Variants in IMMP2L observed in about 807,000 individuals in gnomAD.
The protein encoded by IMMP2L is mitochondrial inner membrane protease subunit 2.
IMMP2L carries 18 observed loss-of-function variants against 19.3 expected under a neutral mutation model. The ratio of observed to expected loss-of-function variants is 0.93; its 90% CI spans 0.64 to 1.38. The LOEUF is 1.38. Ranked by LOEUF, IMMP2L falls within the 40% of genes most tolerant of loss-of-function variation. The pLI is 0.00. For synonymous variants in IMMP2L, 76 were observed against 73.0 expected, an observed-to-expected ratio of 1.04 and a Z score of -0.21; for missense variants, 233 against 218.2, an observed-to-expected ratio of 1.07 and a Z score of -0.43.
intron 5 of IMMP2L, among the ~76,000 whole-genome samples, chr7:110,872,209 A>T (rs1356622102): frequency 4.6e-5 from 7 of 152,104 alleles, no homozygotes; most frequent in Admixed American, 1.3e-4. Context: ...AGCCAAACAA[A>T]ACTGCTCAAG....
chr7:111,009,219 C>G (rs994151284), intron 3 of IMMP2L, among the ~76,000 whole-genome samples: 2 of 151,998 alleles, frequency 1.3e-5, no homozygotes, highest in African/African-American at 2.4e-5. Flanking sequence ...AAGATTTTGC[C>G]CACATCTAAC....
intron 2 of IMMP2L, 108 bp downstream of exon 2, chr7:111,521,205 T>G: frequency 1.6e-6 from 2 of 1,228,128 alleles, no homozygotes; most frequent in Non-Finnish European, 2.2e-6. Context: ...AATGCCTTTT[T>G]ATAACCTTTC....
chr7:111,528,854 C>G (rs1338116754), intron 1 of IMMP2L, among the ~76,000 whole-genome samples: 2 of 152,034 alleles, frequency 1.3e-5, no homozygotes, highest in Non-Finnish European at 2.9e-5. Context: ...TACACAAAAT[C>G]AAGATTTTAT....
chr7:111,312,124 CA>C (rs1285708972), intron 3 of IMMP2L, among the ~76,000 whole-genome samples: 14 of 152,038 alleles, frequency 9.2e-5, no homozygotes, highest in Admixed American at 8.5e-4. Flanking sequence ...TATTTTCATG[CA>C]AGACTGAAGT....
chr7:110,859,257 T>C (rs1391494780), intron 5 of IMMP2L, among the ~76,000 whole-genome samples: 1 of 152,062 alleles, frequency 6.6e-6, no homozygotes, highest in African/African-American at 2.4e-5. Flanking sequence ...TTAGATAATT[T>C]AGAGATTTTC....
chr7:110,796,722 A>G (rs1041968426), intron 5 of IMMP2L, among the ~76,000 whole-genome samples: 1 of 152,046 alleles, frequency 6.6e-6, no homozygotes, highest in Non-Finnish European at 1.5e-5. Context: ...TTTGTATTAC[A>G]ACCCACAGCT....
chr7:111,430,570 C>T (rs1301766874), intron 3 of IMMP2L, among the ~76,000 whole-genome samples: 1 of 151,602 alleles, frequency 6.6e-6, no homozygotes, highest in Non-Finnish European at 1.5e-5. Context: ...ACTCTCCATC[C>T]TCAAACCAAA....
Position 111,312,878 on chromosome 7 carries a change from C to A in IMMP2L, c.239+174360G>T, listed in dbSNP as rs78216107. Among the ~76,000 whole-genome samples, 578 of 152,132 alleles carry A rather than the reference C, an allele frequency of 3.8e-3. 5 individuals carry two copies. The highest frequency in any genetic ancestry group is 5.9e-3 in the Non-Finnish European group (401 of 68,006). On this transcript the variant is annotated intron_variant, in intron 3 of 5. Transcript: ENST00000405709. Reference sequence around the variant, plus strand: ...TAAAGAAAGCAGAAACTACTATAGACATTTCCAGAATAGGAAATTTAATAC... The same window carrying A: ...TAAAGAAAGCAGAAACTACTATAGAAATTTCCAGAATAGGAAATTTAATAC...
At chr7:110,942,853 T>C (rs1434255288) in intron 4 of IMMP2L, among the ~76,000 whole-genome samples, 1 of 151,996 alleles carries the variant, frequency 6.6e-6, no homozygotes, top group Non-Finnish European at 1.5e-5. Context: ...GCTATAGATA[T>C]CCAGCACCCA....
chr7:111,056,165 T>C (rs1332581179), intron 3 of IMMP2L, among the ~76,000 whole-genome samples: 4 of 152,216 alleles, frequency 2.6e-5, no homozygotes, highest in Non-Finnish European at 4.4e-5. Flanking sequence ...TAGCATTTAA[T>C]AGATTGTTAT....
chr7:111,240,729 A>C (rs1324527510), intron 3 of IMMP2L, among the ~76,000 whole-genome samples: 2 of 151,920 alleles, frequency 1.3e-5, no homozygotes, highest in Non-Finnish European at 2.9e-5. Context: ...CTATTGACCT[A>C]ATTTATATTG....
chr7:110,843,291 A>G (rs1454066490), intron 5 of IMMP2L, among the ~76,000 whole-genome samples: 1 of 152,190 alleles, frequency 6.6e-6, no homozygotes. Flanking sequence ...TGTTGGCAAA[A>G]AAAGATGAAG....
intron 3 of IMMP2L, among the ~76,000 whole-genome samples, chr7:111,105,040 G>C (rs1027725387): frequency 6.6e-6 from 1 of 151,800 alleles, no homozygotes; most frequent in East Asian, 1.9e-4. Context: ...CATGACCATA[G>C]AATTCCAGAA....
intron 3 of IMMP2L, among the ~76,000 whole-genome samples, chr7:111,322,044 G>T (rs1033405026): frequency 6.6e-6 from 1 of 151,158 alleles, no homozygotes; most frequent in Admixed American, 6.6e-5. Flanking sequence ...TGCATTCACA[G>T]TACTTAAAGT....
intron 3 of IMMP2L, among the ~76,000 whole-genome samples, chr7:111,163,266 T>C (rs1269758849): frequency 1.3e-5 from 2 of 151,950 alleles, no homozygotes; most frequent in Non-Finnish European, 2.9e-5. Flanking sequence ...TGGAGAGGCG[T>C]CAATTAACAA....
At position 110,727,218 on chromosome 7, in the gene IMMP2L, T is replaced by A. The variant is rs575479513; in HGVS notation, c.409-63497A>T. On this transcript the variant is annotated intron_variant, in intron 5 of 5. Transcript: ENST00000405709. The surrounding 1 kb of genome is among the most constrained non-coding windows in gnomAD (Gnocchi z 4.3). ...GCCTGACCAACATGGTGAAACCACGTCTCTACTAAAAATACAAAAAAATGT... is the reference window on the plus strand; with the variant it reads ...GCCTGACCAACATGGTGAAACCACGACTCTACTAAAAATACAAAAAAATGT... Among the ~76,000 whole-genome samples the A allele has an allele frequency of 6.6e-6, 1 of 152,084 alleles. No individual in the cohort carries two copies. The highest frequency in any genetic ancestry group is 2.1e-4 in the South Asian group (1 of 4,812).
intron 5 of IMMP2L, among the ~76,000 whole-genome samples, chr7:110,691,864 A>G (rs1460196213): frequency 6.6e-6 from 1 of 152,240 alleles, no homozygotes; most frequent in East Asian, 1.9e-4. Flanking sequence ...GTGGGAATGT[A>G]AATTAGTGCA....
rs189662157 is a variant in IMMP2L at position 110,677,589 on chromosome 7, T to G, written c.409-13868A>C. On this transcript the variant is annotated intron_variant, in intron 5 of 5. Transcript: ENST00000405709. ...CATTCCACGTAAGCACTGACTGATATGCACTCAAAGACAACCTGATAAGAG... is the reference window on the plus strand; with the variant it reads ...CATTCCACGTAAGCACTGACTGATAGGCACTCAAAGACAACCTGATAAGAG... Among the ~76,000 whole-genome samples the G allele has an allele frequency of 4.9e-4, 75 of 152,256 alleles. 1 individual carries two copies. The South Asian group carries it at 0.011, about 23-fold the overall frequency.
chr7:111,283,431 C>T (rs749809300), intron 3 of IMMP2L, among the ~76,000 whole-genome samples: 6 of 152,024 alleles, frequency 3.9e-5, no homozygotes, highest in Non-Finnish European at 5.9e-5. Flanking sequence ...GTGGCAAAGA[C>T]AGGGAGAAAG....
Sources: allele counts gnomAD v4.1 joint callset (sites outside exome capture counted in the v4.1 genomes callset), GRCh38; gene constraint gnomAD v4.1.1; non-coding constraint Gnocchi (gnomAD v3.1); transcripts MANE v1.5; gene names NCBI Gene and HGNC (gene_info 2026-07-23, HGNC 2026-07-21).